Variants in FAM9B observed in about 807,000 individuals in gnomAD.
The protein encoded by FAM9B is family with sequence similarity 9 member B.
In FAM9B, 18 loss-of-function variants were observed where a neutral mutation model predicts 16.6. That is an observed-to-expected ratio of 1.09 (90% CI 0.75 to 1.61). The LOEUF (loss-of-function observed/expected upper bound fraction) is 1.61. Among genes scored for constraint, FAM9B ranks in the 40% most tolerant of loss-of-function variants. The probability of loss-of-function intolerance (pLI) is 0.00; values close to 1 mark genes in which losing one functional copy is unlikely to be tolerated. For missense variants in FAM9B, 155 were observed against 136.0 expected (o/e 1.14, Z -0.70); for synonymous variants, 43 against 42.6 (o/e 1.01, Z -0.03).
At chrX:9,032,503 T>C (rs1269630719) in intron 2 of FAM9B, 42 bp from the exon 3 acceptor site, 1 of 1,027,950 alleles carries the variant, frequency 9.7e-7, no homozygotes, top group East Asian at 5.8e-5. Flanking sequence ...TAGAGGAAGA[T>C]GCTGCTGTGG....
chrX:9,034,088 G>A lies in FAM9B; in HGVS notation c.-326C>T, dbSNP rs186925373. The A allele has an allele frequency of 7.1e-5, 11 of 154,820 alleles. No homozygotes were observed. The highest frequency in any genetic ancestry group is 5.3e-4 in the East Asian group (2 of 3,772). 12.8% of individuals were successfully genotyped at this position (154,820 alleles called of 1,213,427 possible). On this transcript the variant is annotated 5_prime_UTR_variant, in exon 1 of 9. Coordinates refer to ENST00000327220, the MANE Select transcript of FAM9B (RefSeq NM_205849.3). ...AAAAAAAAAGAAAAGTAAAGAAAAC[G>A]GGTCCTCAGTTCTCGTGAGAGCTGC... is the stretch of plus-strand genomic sequence containing the variant.
intron 4 of FAM9B, 64 bp from the exon 5 acceptor site, chrX:9,030,424 T>C: frequency 1.3e-5 from 11 of 829,970 alleles, no homozygotes; most frequent in Non-Finnish European, 1.9e-5. Flanking sequence ...AGTAGTTTCT[T>C]TGCATATACT....
intron 2 of FAM9B, 52 bp from the exon 3 acceptor site, chrX:9,032,513 G>A: frequency 1.0e-6 from 1 of 999,579 alleles, no homozygotes; most frequent in Admixed American, 2.8e-5. Context: ...TGCTGCTGTG[G>A]ACATTTTTTG....
chrX:9,032,035 G>T, intron 4 of FAM9B, 95 bp downstream of exon 4: 1 of 777,277 alleles, frequency 1.3e-6, no homozygotes, highest in Non-Finnish European at 1.9e-6. Flanking sequence ...AGCCATTTAA[G>T]ACAGTCTTGT....
chrX:9,025,670 G>A (rs941711430), intron 7 of FAM9B, 87 bp from the exon 8 acceptor site: 31 of 692,222 alleles, frequency 4.5e-5, no homozygotes, highest in African/African-American at 6.6e-5. Context: ...AAAGGAAACA[G>A]CTTTTAATAT....
intron 2 of FAM9B, 94 bp from the exon 3 acceptor site, chrX:9,032,555 G>GC (rs1213000139): frequency 4.8e-6 from 2 of 418,463 alleles, no homozygotes; most frequent in Non-Finnish European, 6.6e-6. Flanking sequence ...GACTTTTTTG[G>GC]GGGGGGGGGG....
intron 2 of FAM9B, 197 bp downstream of exon 2, chrX:9,032,762 G>A: frequency 3.4e-6 from 2 of 590,078 alleles, no homozygotes; most frequent in East Asian, 3.6e-5. Flanking sequence ...TGCTATGAGG[G>A]GGAGCCTTCC....
rs1431988608 is a variant in FAM9B at position 9,031,761 on chromosome X, C to A, written c.181+369G>T. Reference sequence around the variant, plus strand: ...CATAACAAACCTCCACATGTACCCCCAAACTTAAAGTAAAAGCTAAAAAAA... The same window carrying A: ...CATAACAAACCTCCACATGTACCCCAAAACTTAAAGTAAAAGCTAAAAAAA... On this transcript the variant is annotated intron_variant, in intron 4 of 8. Coordinates refer to ENST00000327220, the MANE Select transcript of FAM9B (RefSeq NM_205849.3). The A allele has an allele frequency of 5.2e-5, 7 of 135,681 alleles. No individual in the cohort carries two copies. The East Asian group carries it at 1.2e-3, about 23-fold the overall frequency. The allele number at this position is 135,681 out of a possible 1,213,427, so 11.2% of individuals were successfully genotyped here.
At chrX:9,027,827 G>A (rs1920981128) in intron 7 of FAM9B, 41 bp downstream of exon 7, 1 of 1,037,133 alleles carries the variant, frequency 9.6e-7, no homozygotes, top group Admixed American at 2.2e-5. Context: ...TTATGCACGT[G>A]TTGTATTTTA....
chrX:9,030,444 A>G (rs1198980897), intron 4 of FAM9B, 84 bp from the exon 5 acceptor site: 1 of 603,199 alleles, frequency 1.7e-6, no homozygotes, highest in Non-Finnish European at 2.4e-6. Context: ...TGACATCAAT[A>G]TGGGACTTTA....
chrX:9,026,112 A>G (rs1204917081), intron 7 of FAM9B, among the ~76,000 whole-genome samples: 1 of 111,813 alleles, frequency 8.9e-6, no homozygotes, highest in East Asian at 2.8e-4. Context: ...GGAAGATGTA[A>G]AAAATGAATA....
At chrX:9,032,836 T>C in intron 2 of FAM9B, 123 bp downstream of exon 2, 2 of 996,271 alleles carry the variant, frequency 2.0e-6, no homozygotes, top group Non-Finnish European at 1.4e-6. Context: ...ACGTGCACAA[T>C]GGACTCCAGA....
chrX:9,029,153 G>C (rs947499207), intron 6 of FAM9B, among the ~76,000 whole-genome samples, 154 bp downstream of exon 6: 1 of 111,386 alleles, frequency 9.0e-6, no homozygotes, highest in African/African-American at 3.3e-5. Context: ...CTAATGCTGC[G>C]TGGCAATTAT....
intron 4 of FAM9B, chrX:9,030,616 A>G (rs1353155137): frequency 4.3e-6 from 1 of 233,944 alleles, no homozygotes; most frequent in Non-Finnish European, 7.4e-6. Context: ...CAGATGATGA[A>G]AAAAAGCAAA....
intron 1 of FAM9B, 44 bp downstream of exon 1, chrX:9,033,808 G>A (rs897923531): frequency 1.1e-5 from 8 of 747,645 alleles, no homozygotes; most frequent in Non-Finnish European, 1.3e-5. Flanking sequence ...GTTCCCAGAG[G>A]GCCTCGTGCC....
At chrX:9,032,671 A>G (rs1383744290) in intron 2 of FAM9B, 2 of 589,535 alleles carry the variant, frequency 3.4e-6, no homozygotes, top group Non-Finnish European at 5.1e-6. Flanking sequence ...GGTTCCAGTA[A>G]ACAACGTACT....
chrX:9,032,293 T>C, intron 3 of FAM9B, 48 bp downstream of exon 3: 1 of 1,208,544 alleles, frequency 8.3e-7, no homozygotes, highest in South Asian at 1.8e-5. Context: ...AAGCTGACTT[T>C]TCCTAAAAGA....
intron 5 of FAM9B, 119 bp from the exon 6 acceptor site, chrX:9,029,537 G>A (rs1921009816): frequency 4.6e-6 from 2 of 434,862 alleles, no homozygotes; most frequent in Non-Finnish European, 7.7e-6. Context: ...AGTAATAGCA[G>A]CTGAAATCTT....
rs753387264 is a variant in FAM9B, at chrX:9,027,452, A to T, written c.492+416T>A. On this transcript the variant is annotated intron_variant, in intron 7 of 8. Transcript: ENST00000327220. ...GAAAATAAAATCTTCATTAAAACCC[A>T]TTTATGCCTAGTGTTCCATTATTGG... Among the ~76,000 whole-genome samples, 11 of 111,360 alleles carry T rather than the reference A, an allele frequency of 9.9e-5. 1 individual carries two copies. In the East Asian group the frequency reaches 2.5e-3, roughly 26 times the overall value.
Sources: allele counts gnomAD v4.1 joint callset (sites outside exome capture counted in the v4.1 genomes callset), GRCh38; gene constraint gnomAD v4.1.1; transcripts MANE v1.5; gene names NCBI Gene and HGNC (gene_info 2026-07-23, HGNC 2026-07-21).